Variants in PID1 observed in about 807,000 individuals in gnomAD.
PID1 encodes the protein PTB-containing, cubilin and LRP1-interacting protein.
Under a neutral mutation model 19.1 loss-of-function variants are expected in PID1, and 10 were observed. That is an observed-to-expected ratio of 0.52 (90% CI 0.32 to 0.89). The LOEUF (loss-of-function observed/expected upper bound fraction) is 0.89. Among genes scored for constraint, PID1 ranks in the 40% least tolerant of loss-of-function variants. The pLI, the probability that PID1 is intolerant of heterozygous loss-of-function variation, is 0.03. For synonymous variants in PID1, 130 were observed against 116.0 expected (o/e 1.12, Z -0.78); for missense variants, 248 against 285.3 (o/e 0.87, Z 0.94).
At chr2:229,163,790 G>A (rs1347401143) in intron 1 of PID1, among the ~76,000 whole-genome samples, 1 of 152,032 alleles carries the variant, frequency 6.6e-6, no homozygotes, top group Non-Finnish European at 1.5e-5. Flanking sequence ...AGTAGTTTCT[G>A]TCATCTTCTA....
intron 2 of PID1, among the ~76,000 whole-genome samples, chr2:229,104,847 G>A (rs985738329): frequency 6.6e-6 from 1 of 152,192 alleles, no homozygotes; most frequent in African/African-American, 2.4e-5. Flanking sequence ...CATCCCACCT[G>A]GCACATAAGG....
chr2:229,211,837 T>C (rs531163454), intron 1 of PID1, among the ~76,000 whole-genome samples: 1 of 152,326 alleles, frequency 6.6e-6, no homozygotes, highest in East Asian at 1.9e-4. Context: ...TGCAGTGAAA[T>C]GTTTGGGACA....
intron 1 of PID1, among the ~76,000 whole-genome samples, chr2:229,167,104 TTACAG>T (rs1208535302): frequency 6.6e-6 from 1 of 151,888 alleles, no homozygotes; most frequent in African/African-American, 2.4e-5. Flanking sequence ...AAACTCATCC[TTACAG>T]TAAAGTTATA....
intron 1 of PID1, among the ~76,000 whole-genome samples, chr2:229,239,341 GA>G (rs1420102363): frequency 3.4e-4 from 52 of 152,076 alleles, no homozygotes; most frequent in Non-Finnish European, 4.7e-4. Flanking sequence ...GGTTGAGAGG[GA>G]AAAGAGACTG....
At chr2:229,031,293 C>G (rs965729796) in intron 2 of PID1, among the ~76,000 whole-genome samples, 9 of 150,872 alleles carry the variant, frequency 6.0e-5, no homozygotes, top group African/African-American at 2.2e-4. Flanking sequence ...CGTGGTGGCT[C>G]AGGCCTGTAA....
At chr2:229,137,933 T>C (rs6436848) in intron 2 of PID1, among the ~76,000 whole-genome samples, 59,956 of 152,014 alleles carry the variant, frequency 0.39, 12,006 homozygotes, top group South Asian at 0.57. Context: ...CCATCGACAG[T>C]TCCCTACGTA....
intron 1 of PID1, among the ~76,000 whole-genome samples, chr2:229,197,178 C>T (rs376865125): frequency 2.3e-4 from 35 of 151,992 alleles, no homozygotes; most frequent in African/African-American, 8.5e-4. Flanking sequence ...AAGCCACTTT[C>T]CATAACTGAG....
At chr2:229,028,712 C>T (rs529572316) in intron 2 of PID1, among the ~76,000 whole-genome samples, 2 of 152,272 alleles carry the variant, frequency 1.3e-5, no homozygotes, top group South Asian at 2.1e-4. Flanking sequence ...ACGTCCTTTG[C>T]GACAACATGG....
intron 2 of PID1, among the ~76,000 whole-genome samples, chr2:229,049,106 T>C (rs1313225325): frequency 6.6e-6 from 1 of 152,182 alleles, no homozygotes; most frequent in African/African-American, 2.4e-5. Context: ...TTAAATTCTC[T>C]TTCAGAAATA....
chr2:229,060,501 C>T (rs1366700788), intron 2 of PID1, among the ~76,000 whole-genome samples: 2 of 152,092 alleles, frequency 1.3e-5, no homozygotes, highest in African/African-American at 4.8e-5. Context: ...ATACCACATT[C>T]TCTTTATCCA....
In PID1 at chr2:229,259,005, G is replaced by A. The variant is rs79048743; in HGVS notation, c.30+12009C>T. Among the ~76,000 whole-genome samples the A allele has an allele frequency of 2.9e-3, 435 of 150,074 alleles. 3 individuals carry two copies. The highest frequency in any genetic ancestry group is 4.3e-3 in the Non-Finnish European group (291 of 67,780). On this transcript the variant is annotated intron_variant, in intron 1 of 2. Transcript: ENST00000392055. ...ATCATTTTACCTTCCCACCAGTAGC[G>A]TATGAAAGTTCCTGTTTTTCCACAT...
At chr2:229,226,079 C>G (rs2106262570) in intron 1 of PID1, among the ~76,000 whole-genome samples, 2 of 152,324 alleles carry the variant, frequency 1.3e-5, no homozygotes, top group South Asian at 4.1e-4. Context: ...AGCCACACAT[C>G]TGTAAATAGT....
intron 2 of PID1, among the ~76,000 whole-genome samples, chr2:229,056,612 AAT>A (rs200540998): frequency 1.3e-4 from 19 of 148,200 alleles, no homozygotes; most frequent in African/African-American, 3.4e-4. Flanking sequence ...AAATAAAAAT[AAT>A]ATATATATAT....
intron 1 of PID1, among the ~76,000 whole-genome samples, chr2:229,219,953 TG>T (rs2106257494): frequency 6.6e-6 from 1 of 152,216 alleles, no homozygotes; most frequent in Admixed American, 6.5e-5. Flanking sequence ...GTGGGAACAC[TG>T]AGCTAAGCAC....
chr2:229,206,658 G>C (rs912198021), intron 1 of PID1, among the ~76,000 whole-genome samples: 2 of 152,102 alleles, frequency 1.3e-5, no homozygotes, highest in African/African-American at 4.8e-5. Flanking sequence ...CCACGAAAGC[G>C]ACCAACTCAA....
intron 1 of PID1, among the ~76,000 whole-genome samples, chr2:229,265,665 T>A (rs1350763650): frequency 6.6e-6 from 1 of 152,220 alleles, no homozygotes. Flanking sequence ...TGTTCTGGAC[T>A]AGTTTTATTT....
intron 1 of PID1, among the ~76,000 whole-genome samples, chr2:229,237,683 G>T (rs1028731124): frequency 2.0e-5 from 3 of 152,082 alleles, no homozygotes; most frequent in Admixed American, 6.6e-5. Context: ...ACATAAATAA[G>T]AAATTGGAGT....
At chr2:229,210,051 C>T (rs1216160869) in intron 1 of PID1, among the ~76,000 whole-genome samples, 2 of 151,854 alleles carry the variant, frequency 1.3e-5, no homozygotes, top group African/African-American at 2.4e-5. Context: ...TTATAAAGCC[C>T]GCTTCCCTAA....
chr2:229,258,897 T>C (rs1353424880), intron 1 of PID1, among the ~76,000 whole-genome samples: 1 of 144,058 alleles, frequency 6.9e-6, no homozygotes, highest in African/African-American at 2.5e-5. Flanking sequence ...GTTGAACAAA[T>C]CCGTCAACCC....
Sources: gnomAD v4.1 joint callset for allele counts (sites outside exome capture counted in the v4.1 genomes callset) on GRCh38, gnomAD v4.1.1 for gene constraint, MANE v1.5 for transcripts, NCBI Gene and HGNC (gene_info 2026-07-23, HGNC 2026-07-21) for gene names.